The following ABTB3 variants were observed in gnomAD, a reference collection of about 807,000 sequenced individuals.
ABTB3 encodes the protein ankyrin repeat and BTB domain containing 3.
At chr12:107,388,312 CTCCTTCTCCTCCT>C in the ABTB3 span, among the ~76,000 whole-genome samples, 1 of 150,764 alleles carries the variant, frequency 6.6e-6, no homozygotes, top group Non-Finnish European at 1.5e-5. Context: ...CTCTTTCCTT[CTCCTTCTCCTCCT>C]TCCTTCTCCT....
At chr12:107,414,506 A>C in the ABTB3 span, among the ~76,000 whole-genome samples, 1 of 152,220 alleles carries the variant, frequency 6.6e-6, no homozygotes. Context: ...AATTAAAGAC[A>C]TAGTATTGGC....
the ABTB3 span, among the ~76,000 whole-genome samples, chr12:107,339,565 T>A: frequency 2.0e-5 from 3 of 152,298 alleles, no homozygotes; most frequent in East Asian, 5.8e-4. Flanking sequence ...AGGTTATTGA[T>A]TGTACATCGT....
the ABTB3 span, chr12:107,649,375 C>A: frequency 8.8e-7 from 1 of 1,132,288 alleles, no homozygotes; most frequent in Non-Finnish European, 1.3e-6. Context: ...CTGGAAGGAC[C>A]CGTGTTGGGT....
the ABTB3 span, among the ~76,000 whole-genome samples, chr12:107,590,187 T>C: frequency 6.6e-6 from 1 of 152,352 alleles, no homozygotes; most frequent in East Asian, 1.9e-4. Flanking sequence ...GTGCTGGGAT[T>C]ACAGGCGTGA....
chr12:107,407,305 C>T, the ABTB3 span, among the ~76,000 whole-genome samples: 29 of 152,348 alleles, frequency 1.9e-4, no homozygotes, highest in Admixed American at 5.9e-4. Flanking sequence ...TGCTGCACGA[C>T]AAATCACTCT....
the ABTB3 span, among the ~76,000 whole-genome samples, chr12:107,576,900 A>T: frequency 1.3e-5 from 2 of 152,132 alleles, no homozygotes; most frequent in Non-Finnish European, 2.9e-5. Context: ...TCTCCCCAAA[A>T]CTTTCTGTCC....
the ABTB3 span, among the ~76,000 whole-genome samples, chr12:107,612,618 G>A: frequency 1.3e-5 from 2 of 152,236 alleles, no homozygotes; most frequent in African/African-American, 4.8e-5. Flanking sequence ...CACATGTGGA[G>A]GGTTGTGACC....
the ABTB3 span, among the ~76,000 whole-genome samples, chr12:107,523,359 C>A: frequency 6.6e-6 from 1 of 152,202 alleles, no homozygotes; most frequent in Non-Finnish European, 1.5e-5. Context: ...GTCCCAGGGC[C>A]TCCTAGCTAC....
the ABTB3 span, among the ~76,000 whole-genome samples, chr12:107,356,332 G>C: frequency 6.6e-6 from 1 of 152,186 alleles, no homozygotes; most frequent in Admixed American, 6.5e-5. Flanking sequence ...AGTTATCAAG[G>C]GGAAGATGAA....
chr12:107,607,755 C>G, the ABTB3 span, among the ~76,000 whole-genome samples: 1 of 152,166 alleles, frequency 6.6e-6, no homozygotes, highest in Non-Finnish European at 1.5e-5. Flanking sequence ...ATCTCCTACC[C>G]CTGGATTCCC....
the ABTB3 span, among the ~76,000 whole-genome samples, chr12:107,451,667 C>G: frequency 6.6e-6 from 1 of 151,870 alleles, no homozygotes; most frequent in Non-Finnish European, 1.5e-5. Flanking sequence ...TTCTCCACCC[C>G]CACCTTTCCT....
At chr12:107,439,238 T>C in the ABTB3 span, among the ~76,000 whole-genome samples, 4 of 152,202 alleles carry the variant, frequency 2.6e-5, no homozygotes, top group African/African-American at 4.8e-5. Flanking sequence ...CAGACATGCC[T>C]GGCTTAACGA....
chr12:107,486,634 A>T, the ABTB3 span: 11,945 of 151,436 alleles, frequency 0.079, 571 homozygotes, highest in Non-Finnish European at 0.1. Flanking sequence ...ATGGCTGTAC[A>T]CTAGAGTATT....
chr12:107,457,504 C>G, the ABTB3 span, among the ~76,000 whole-genome samples: 1 of 152,208 alleles, frequency 6.6e-6, no homozygotes, highest in African/African-American at 2.4e-5. Context: ...GGGTCCCAGG[C>G]AGGCTGATCT....
the ABTB3 span, among the ~76,000 whole-genome samples, chr12:107,340,653 T>C: frequency 4.5e-4 from 69 of 152,184 alleles, no homozygotes; most frequent in South Asian, 0.014. Context: ...GAAGCATCGA[T>C]GCAACCCTTG....
At chr12:107,647,194 G>A in the ABTB3 span, among the ~76,000 whole-genome samples, 2 of 152,110 alleles carry the variant, frequency 1.3e-5, no homozygotes, top group African/African-American at 4.8e-5. Flanking sequence ...GCCAGGTGTG[G>A]TGGTACACAC....
At chr12:107,392,917 G>T in the ABTB3 span, among the ~76,000 whole-genome samples, 3 of 152,178 alleles carry the variant, frequency 2.0e-5, no homozygotes, top group African/African-American at 7.2e-5. Flanking sequence ...AGTTCCCCTT[G>T]CAAACTCACA....
At chr12:107,428,945 T>G in the ABTB3 span, among the ~76,000 whole-genome samples, 1 of 152,306 alleles carries the variant, frequency 6.6e-6, no homozygotes, top group South Asian at 2.1e-4. Flanking sequence ...GCGATGAGGT[T>G]TGTTCAAAGG....
chr12:107,567,549 G>A, the ABTB3 span, among the ~76,000 whole-genome samples: 2 of 152,174 alleles, frequency 1.3e-5, no homozygotes, highest in Non-Finnish European at 2.9e-5. Context: ...AGGAGCAATA[G>A]CCTATCCCTT....
Sources: gnomAD v4.1 joint callset for allele counts (sites outside exome capture counted in the v4.1 genomes callset) on GRCh38, gnomAD v4.1.1 for gene constraint, MANE v1.5 for transcripts, NCBI Gene and HGNC (gene_info 2026-07-23, HGNC 2026-07-21) for gene names.